TMEM126B: variants seen among roughly 807,000 people sequenced by gnomAD.
The protein encoded by TMEM126B is complex I assembly factor TMEM126B, mitochondrial.
TMEM126B carries 19 observed loss-of-function variants against 16.5 expected under a neutral mutation model. The observed-to-expected ratio is 1.15, with a 90% CI of 0.80 to 1.69. The LOEUF is 1.69. Among genes scored for constraint, TMEM126B ranks in the 40% most tolerant of loss-of-function variants. The pLI, the probability that TMEM126B is intolerant of heterozygous loss-of-function variation, is 0.00. For synonymous variants in TMEM126B, 104 were observed against 93.2 expected (o/e 1.12, Z -0.67); for missense variants, 293 against 278.7 (o/e 1.05, Z -0.37).
intron 2 of TMEM126B, among the ~76,000 whole-genome samples, chr11:85,632,956 T>C (rs1378909820): frequency 6.6e-6 from 1 of 151,246 alleles, no homozygotes; most frequent in African/African-American, 2.4e-5. Context: ...TCCCCTCTCC[T>C]CCCACCCCAC....
At position 85,631,755 on chromosome 11, in the gene TMEM126B, A is replaced by T. The variant is rs766117185; in HGVS notation, c.150A>T (p.Arg50Ser). Residue 50 changes from arginine to serine, a missense_variant, in exon 2 of 5, where the codon AGA (arginine) becomes AGT (serine). Transcript: ENST00000358867. ...SPSLEDAKLR[R>S]PMVIEIIEKN... is the part of the protein sequence containing the mutation. The stretch of plus-strand genomic sequence containing the variant: ...CTCTAGAAGATGCAAAACTCAGAAG[A>T]CCAATGGTCATAGAAATCATAGAAA... The T allele has an allele frequency of 1.9e-6, 3 of 1,613,550 alleles. No homozygotes were observed. Among genetic ancestry groups the T allele is most frequent in the Non-Finnish European group, 2.5e-6 (3 of 1,179,786 alleles).
chr11:85,628,659 G>T lies in TMEM126B; in HGVS notation c.52G>T (p.Val18Leu). 6.5e-7 allele frequency: 1 copy of T among 1,536,206 alleles called. No individual in the cohort carries two copies. The highest frequency in any genetic ancestry group is 8.7e-7 in the Non-Finnish European group (1 of 1,146,922). ...AGTKPRDSGV[V>L]PVGTEEAPKV... ...GACTAAGCCAAGGGATTCAGGTGTG[G>T]TGCCGGTGGGAACTGAGGAAGCGCC... The change falls in exon 1 of 5, where the codon GTG (valine) becomes TTG (leucine). Residue 18 changes from valine to leucine, a missense_variant. Transcript: ENST00000358867.
intron 1 of TMEM126B, among the ~76,000 whole-genome samples, chr11:85,630,936 T>C (rs1468164471): frequency 6.6e-6 from 1 of 152,176 alleles, no homozygotes; most frequent in Admixed American, 6.5e-5. Flanking sequence ...TGGTGGCAGG[T>C]ATGGGTCTCT....
chr11:85,636,004 A>G (rs375546583), intron 4 of TMEM126B, 42 bp from the exon 5 acceptor site: 15 of 1,516,762 alleles, frequency 9.9e-6, no homozygotes, highest in Non-Finnish European at 1.3e-5. Flanking sequence ...TTCTAATAGC[A>G]TTCATATCCA....
chr11:85,631,199 A>G lies in TMEM126B; in HGVS notation c.82-488A>G, dbSNP rs191667754. 9 of 1,290,324 alleles carry G rather than the reference A, an allele frequency of 7.0e-6. No homozygotes were observed. The East Asian group carries it at 5.0e-4, about 72-fold the overall frequency. The allele number at this position is 1,290,324 out of a possible 1,614,324, so 79.9% of individuals were successfully genotyped here. A position where few individuals can be genotyped will look rare whatever the true frequency, so the allele number is the denominator to read the frequency against. Reference sequence around the variant, plus strand: ...TAATCTTTCATGAGAAACTGAGGATAGAGATGTCAATAAGCAGCCACTGTT... The same window carrying G: ...TAATCTTTCATGAGAAACTGAGGATGGAGATGTCAATAAGCAGCCACTGTT... On this transcript the variant is annotated intron_variant, in intron 1 of 4. Transcript: ENST00000358867.
chr11:85,630,889 T>C (rs3781815), intron 1 of TMEM126B, among the ~76,000 whole-genome samples: 41,328 of 152,102 alleles, frequency 0.27, 6,226 homozygotes, highest in East Asian at 0.39. Flanking sequence ...CATAGTGCAA[T>C]CCTGCCTCTA....
At chr11:85,630,879 CAT>C (rs1222283635) in intron 1 of TMEM126B, among the ~76,000 whole-genome samples, 2 of 152,206 alleles carry the variant, frequency 1.3e-5, no homozygotes, top group Non-Finnish European at 2.9e-5. Context: ...GCCTGGCTAT[CAT>C]AGTGCAATCC....
intron 2 of TMEM126B, 102 bp from the exon 3 acceptor site, chr11:85,633,983 CA>C (rs2082351865): frequency 1.3e-6 from 1 of 754,030 alleles, no homozygotes; most frequent in Non-Finnish European, 2.2e-6. Context: ...AGTAAGTGCT[CA>C]AGAAATATTT....
chr11:85,628,595 A>G lies in TMEM126B; in HGVS notation c.-13A>G. On this transcript the variant is annotated 5_prime_UTR_variant, in exon 1 of 5. It removes an upstream start codon present in the reference 5' UTR. Coordinates refer to ENST00000358867, the MANE Select transcript of TMEM126B (RefSeq NM_018480.7). ...GGGTCCCCGCCCACCGGCAAGTCACATGAGCCACCAAAATGGTGGTGTTCG... is the reference window on the plus strand; with the variant it reads ...GGGTCCCCGCCCACCGGCAAGTCACGTGAGCCACCAAAATGGTGGTGTTCG... 3 of 1,535,572 alleles carry G rather than the reference A, an allele frequency of 2.0e-6. No individual in the cohort carries two copies. Among genetic ancestry groups the G allele is most frequent in the East Asian group, 2.4e-5 (1 of 40,886 alleles).
rs932058663 is a variant in TMEM126B at position 85,633,142 on chromosome 11, T to C, written c.204-944T>C. Among the ~76,000 whole-genome samples, 834 of 152,352 alleles carry C rather than the reference T, an allele frequency of 5.5e-3. 5 individuals carry two copies. Among genetic ancestry groups the C allele is most frequent in the African/African-American group, 0.019 (770 of 41,572 alleles). ...ACAAAGGACATGAACTCATCATTTT[T>C]TATGGCTGCATAGTATTCCATGGTG... On this transcript the variant is annotated intron_variant, in intron 2 of 4. Transcript: ENST00000358867.
rs2082403321 is a variant in TMEM126B, at chr11:85,636,238, A to G, written c.*9A>G. 5 of 1,468,688 alleles carry G rather than the reference A, an allele frequency of 3.4e-6. No individual in the cohort carries two copies. Among genetic ancestry groups the G allele is most frequent in the Non-Finnish European group, 3.6e-6 (4 of 1,107,844 alleles). 91.0% of individuals were successfully genotyped at this position (1,468,688 alleles called of 1,614,324 possible). On this transcript the variant is annotated 3_prime_UTR_variant, in exon 5 of 5. Transcript: ENST00000358867. Reference sequence around the variant, plus strand: ...CTATACATGAAGAGTAACCAAAAAAATGAATGGTTGCTAACTTAGCAAAAT... The same window carrying G: ...CTATACATGAAGAGTAACCAAAAAAGTGAATGGTTGCTAACTTAGCAAAAT...
Position 85,635,761 on chromosome 11 carries a change from T to C in TMEM126B, c.492T>C (p.Asn164=). The C allele has an allele frequency of 6.3e-7, 1 of 1,594,860 alleles. No individual in the cohort carries two copies. Among genetic ancestry groups the C allele is most frequent in the Non-Finnish European group, 8.5e-7 (1 of 1,174,166 alleles). ...FYPSSLAFTK[N]GRLATKYHTV... ...CCAGTTCTTTGGCTTTTACTAAAAA[T>C]GGACGCCTGGCAACCAAGTAAGTTC... The change falls in exon 4 of 5, where the codon AAT becomes AAC. Residue 164 remains asparagine, a synonymous_variant. Transcript: ENST00000358867.
chr11:85,629,016 A>G (rs993433734), intron 1 of TMEM126B: 1 of 482,602 alleles, frequency 2.1e-6, no homozygotes, highest in Non-Finnish European at 4.0e-6. Context: ...ATTGATTTAA[A>G]TGTCACTTCT....
At chr11:85,628,578 G>C, upstream of TMEM126B, 1 of 1,527,568 alleles carries the variant, frequency 6.5e-7, no homozygotes, top group South Asian at 1.2e-5. Context: ...CTGGGTCCCC[G>C]CCCACCGGCA....
intron 1 of TMEM126B, chr11:85,629,066 T>G: frequency 3.9e-6 from 2 of 513,704 alleles, no homozygotes. Flanking sequence ...CTAGATTGTT[T>G]GCTTTTTCTT....
intron 4 of TMEM126B, 58 bp from the exon 5 acceptor site, chr11:85,635,988 A>G: frequency 1.3e-6 from 2 of 1,483,130 alleles, no homozygotes; most frequent in Admixed American, 4.9e-5. Flanking sequence ...GGAGAAGTCA[A>G]CAAACTTCTA....
chr11:85,633,820 G>C (rs2082349343), intron 2 of TMEM126B, among the ~76,000 whole-genome samples: 1 of 152,096 alleles, frequency 6.6e-6, no homozygotes, highest in South Asian at 2.1e-4. Flanking sequence ...TTATTTAAAA[G>C]AGCTCTATTT....
At chr11:85,630,061 T>TG (rs1487157765) in intron 1 of TMEM126B, among the ~76,000 whole-genome samples, 1 of 152,206 alleles carries the variant, frequency 6.6e-6, no homozygotes, top group African/African-American at 2.4e-5. Flanking sequence ...TAGTTAGGAT[T>TG]GGTACATACC....
At chr11:85,634,556 C>T (rs1188266620) in intron 3 of TMEM126B, 2 of 306,358 alleles carry the variant, frequency 6.5e-6, no homozygotes, top group East Asian at 1.6e-4. Flanking sequence ...TGGCATACAA[C>T]GCACATCATT....
Sources: allele counts gnomAD v4.1 joint callset (sites outside exome capture counted in the v4.1 genomes callset), GRCh38; gene constraint gnomAD v4.1.1; transcripts MANE v1.5; gene names NCBI Gene and HGNC (gene_info 2026-07-23, HGNC 2026-07-21).